Variants in ASTN2 observed in about 807,000 individuals in gnomAD.
ASTN2 encodes the protein astrotactin 2, also known as astrotactin-2.
Under a neutral mutation model 139.8 loss-of-function variants are expected in ASTN2, and 54 were observed. That is an observed-to-expected ratio of 0.39 (90% CI 0.31 to 0.48). The LOEUF is 0.48. Ranked by LOEUF, ASTN2 falls within the 20% of genes least tolerant of loss-of-function variation. The pLI is 0.95. For missense variants in ASTN2, 1,565 were observed against 1,725.1 expected, an observed-to-expected ratio of 0.91 and a Z score of 1.64; for synonymous variants, 756 against 719.5, an observed-to-expected ratio of 1.05 and a Z score of -0.81.
intron 10 of ASTN2, among the ~76,000 whole-genome samples, chr9:116,961,759 T>C (rs566942826): frequency 2.0e-5 from 3 of 152,210 alleles, no homozygotes; most frequent in African/African-American, 7.2e-5. Context: ...AAGTAGAGTA[T>C]GCAGAAAACA....
chr9:117,244,407 G>T (rs1231334285), intron 2 of ASTN2, among the ~76,000 whole-genome samples: 3 of 151,996 alleles, frequency 2.0e-5, no homozygotes, highest in African/African-American at 7.3e-5. Flanking sequence ...CCTTATTATC[G>T]ATTTATTTTT....
At chr9:116,625,292 G>C (rs1856388002) in intron 17 of ASTN2, among the ~76,000 whole-genome samples, 1 of 152,128 alleles carries the variant, frequency 6.6e-6, no homozygotes, top group Non-Finnish European at 1.5e-5. Flanking sequence ...AACTTAGTCA[G>C]GTGTGGTGGT....
intron 19 of ASTN2, among the ~76,000 whole-genome samples, chr9:116,571,795 T>G (rs1259276812): frequency 6.6e-6 from 1 of 152,154 alleles, no homozygotes; most frequent in Non-Finnish European, 1.5e-5. Flanking sequence ...ATCTACTGTA[T>G]GTGTCTGTGT....
intron 16 of ASTN2, among the ~76,000 whole-genome samples, chr9:116,721,121 C>G (rs1489941683): frequency 6.6e-6 from 1 of 152,218 alleles, no homozygotes; most frequent in Non-Finnish European, 1.5e-5. Context: ...CAACTCAGAG[C>G]TGGATGGGTC....
chr9:117,016,798 GGTTATATATAT>G (rs1428690991), intron 6 of ASTN2, among the ~76,000 whole-genome samples: 2,078 of 111,588 alleles, frequency 0.019, 21 homozygotes, highest in Non-Finnish European at 0.025. Context: ...GTTATATATA[GGTTATATATAT>G]GTTTTATATA....
chr9:116,524,081 T>C (rs1850990481), intron 19 of ASTN2, among the ~76,000 whole-genome samples: 1 of 152,156 alleles, frequency 6.6e-6, no homozygotes, highest in Non-Finnish European at 1.5e-5. Flanking sequence ...TAAAACTCTA[T>C]TATGGATGTT....
chr9:116,514,591 C>T (rs887746793), intron 19 of ASTN2, among the ~76,000 whole-genome samples: 85 of 152,314 alleles, frequency 5.6e-4, no homozygotes, highest in African/African-American at 1.9e-3. Context: ...AGGCTATGCC[C>T]TGCCCCCAGA....
chr9:116,775,536 C>T (rs1285095577), intron 13 of ASTN2, among the ~76,000 whole-genome samples: 1 of 50,694 alleles, frequency 2.0e-5, no homozygotes, highest in East Asian at 6.7e-4. Flanking sequence ...AGAAAGGGGG[C>T]AGGGGAGGGG....
intron 20 of ASTN2, among the ~76,000 whole-genome samples, chr9:116,483,164 C>T (rs868543583): frequency 2.6e-5 from 4 of 152,242 alleles, no homozygotes; most frequent in Admixed American, 6.5e-5. Flanking sequence ...AACCCACCCA[C>T]GGCAGCAGGA....
rs937398409 is a variant in ASTN2, at chr9:117,342,152, C to T, written c.443-50639G>A. Among the ~76,000 whole-genome samples, 7 of 152,100 alleles carry T rather than the reference C, an allele frequency of 4.6e-5. No individual in the cohort carries two copies. In the East Asian group the frequency reaches 7.7e-4, roughly 17 times the overall value. ...ACAGCTATTCATTAACTGTTGTTAA[C>T]GGAACTCAGGTCCCCGAACAAAGGC... On this transcript the variant is annotated intron_variant, in intron 1 of 22. Coordinates refer to ENST00000313400, the MANE Select transcript of ASTN2 (RefSeq NM_001365068.1).
At chr9:116,597,057 T>C (rs1006095024) in intron 19 of ASTN2, among the ~76,000 whole-genome samples, 4 of 151,572 alleles carry the variant, frequency 2.6e-5, no homozygotes, top group Admixed American at 2.0e-4. Flanking sequence ...CCTCTCCAAA[T>C]ATAAGGGGAT....
intron 10 of ASTN2, among the ~76,000 whole-genome samples, chr9:116,913,729 G>A (rs1588406884): frequency 1.3e-5 from 2 of 152,074 alleles, no homozygotes; most frequent in Non-Finnish European, 1.5e-5. Context: ...CGTAATTGGG[G>A]AAGAACAGAT....
intron 19 of ASTN2, among the ~76,000 whole-genome samples, chr9:116,558,381 G>A (rs545055442): frequency 6.7e-6 from 1 of 149,356 alleles, no homozygotes; most frequent in South Asian, 2.1e-4. Context: ...TTTTTTAACT[G>A]CACTGAAGAG....
intron 3 of ASTN2, among the ~76,000 whole-genome samples, chr9:117,151,884 T>C (rs1456263204): frequency 6.6e-6 from 1 of 152,162 alleles, no homozygotes; most frequent in Non-Finnish European, 1.5e-5. Context: ...CCACTTCTTT[T>C]CATAGCCCTA....
At chr9:116,973,225 A>G (rs1342592037) in intron 10 of ASTN2, among the ~76,000 whole-genome samples, 1 of 152,160 alleles carries the variant, frequency 6.6e-6, no homozygotes, top group Non-Finnish European at 1.5e-5. Context: ...AATGAGCATC[A>G]CCTCATGGAG....
intron 10 of ASTN2, among the ~76,000 whole-genome samples, chr9:116,953,111 G>A (rs555608795): frequency 3.3e-5 from 5 of 152,308 alleles, no homozygotes; most frequent in Admixed American, 2.0e-4. Context: ...GACAGTTTGT[G>A]ATTTTAACTC....
chr9:116,529,837 T>C lies in ASTN2; in HGVS notation c.3356-42337A>G, dbSNP rs939529923. On this transcript the variant is annotated intron_variant, in intron 19 of 22. Coordinates refer to ENST00000313400, the MANE Select transcript of ASTN2 (RefSeq NM_001365068.1). Reference sequence around the variant, plus strand: ...CCTGCTTCCCCTTCAACTTCCACCATGTTTGTAAGTTTCCTGAGGCCTTCC... The same window carrying C: ...CCTGCTTCCCCTTCAACTTCCACCACGTTTGTAAGTTTCCTGAGGCCTTCC... Among the ~76,000 whole-genome samples, 7 of 152,048 alleles carry C rather than the reference T, an allele frequency of 4.6e-5. No individual in the cohort carries two copies. In the South Asian group the frequency reaches 1.2e-3, roughly 27 times the overall value.
At chr9:116,499,642 T>G (rs1341956940) in intron 19 of ASTN2, among the ~76,000 whole-genome samples, 1 of 152,174 alleles carries the variant, frequency 6.6e-6, no homozygotes, top group Non-Finnish European at 1.5e-5. Flanking sequence ...CCCTAGTGCC[T>G]AGGCTTATGC....
At chr9:116,589,654 T>C (rs186002866) in intron 19 of ASTN2, among the ~76,000 whole-genome samples, 2 of 152,252 alleles carry the variant, frequency 1.3e-5, no homozygotes, top group Non-Finnish European at 2.9e-5. Flanking sequence ...GTTTCTCCAG[T>C]AGAGGGCAAT....
Sources: gnomAD v4.1 joint callset for allele counts (sites outside exome capture counted in the v4.1 genomes callset) on GRCh38, gnomAD v4.1.1 for gene constraint, MANE v1.5 for transcripts, NCBI Gene and HGNC (gene_info 2026-07-23, HGNC 2026-07-21) for gene names.